Variants in CAPS2 observed in about 807,000 individuals in gnomAD.
The protein encoded by CAPS2 is calcyphosine 2.
Under a neutral mutation model 86.5 loss-of-function variants are expected in CAPS2, and 98 were observed. That is an observed-to-expected ratio of 1.13 (90% CI 0.96 to 1.34). The LOEUF (loss-of-function observed/expected upper bound fraction) is 1.34, where lower values mean the gene tolerates loss of function less well. Among genes scored for constraint, CAPS2 ranks in the 40% most tolerant of loss-of-function variants. The pLI, the probability that CAPS2 is intolerant of heterozygous loss-of-function variation, is 0.00. For missense variants in CAPS2, 729 were observed against 686.8 expected, an observed-to-expected ratio of 1.06 and a Z score of -0.69; for synonymous variants, 210 against 225.1, an observed-to-expected ratio of 0.93 and a Z score of 0.60.
At chr12:75,375,334 T>C (rs181708766) in intron 1 of CAPS2, among the ~76,000 whole-genome samples, 19 of 152,240 alleles carry the variant, frequency 1.2e-4, no homozygotes, top group African/African-American at 4.3e-4. Flanking sequence ...AGGACCACAA[T>C]GATGTTTTGG....
In CAPS2 at chr12:75,322,008, TTCTA is replaced by T. The variant is rs370971610; in HGVS notation, c.292-436_292-433del. 5.3e-5 allele frequency among the ~76,000 whole-genome samples: 8 copies of T among 152,292 alleles called. No individual in the cohort carries two copies. The East Asian group carries it at 7.7e-4, about 15-fold the overall frequency. ...TTGTCATTTCTAGAATATCAATATATTCTATCTATTTGCAAACATGGAAATATTT... is the reference window on the plus strand; with the variant it reads ...TTGTCATTTCTAGAATATCAATATATTCTATTTGCAAACATGGAAATATTT... On this transcript the variant is annotated intron_variant, in intron 4 of 16. Transcript: ENST00000393284.
chr12:75,345,438 G>A (rs1485125009), intron 1 of CAPS2, among the ~76,000 whole-genome samples: 1 of 151,926 alleles, frequency 6.6e-6, no homozygotes, highest in East Asian at 1.9e-4. Context: ...TGAGCCCCTA[G>A]GAAAGCCTGT....
At position 75,280,816 on chromosome 12, in the gene CAPS2, T is replaced by A. The variant is rs191751011; in HGVS notation, c.1612+1435A>T. Among the ~76,000 whole-genome samples the A allele has an allele frequency of 1.2e-4, 18 of 152,020 alleles. No homozygotes were observed. In the East Asian group the frequency reaches 3.5e-3, roughly 29 times the overall value. ...TTTTAATCTTCATAACCAAATCTCATGATTTCATTTCATACTTAAAAGTAA... is the reference window on the plus strand; with the variant it reads ...TTTTAATCTTCATAACCAAATCTCAAGATTTCATTTCATACTTAAAAGTAA... On this transcript the variant is annotated intron_variant, in intron 16 of 16. Transcript: ENST00000393284.
chr12:75,345,528 C>A (rs1315024706), intron 1 of CAPS2, among the ~76,000 whole-genome samples: 1 of 152,092 alleles, frequency 6.6e-6, no homozygotes, highest in Non-Finnish European at 1.5e-5. Context: ...GGTCTTAAAG[C>A]AACTTGTTCT....
At chr12:75,305,566 C>A (rs1312143426) in intron 7 of CAPS2, 1 of 631,280 alleles carries the variant, frequency 1.6e-6, no homozygotes, top group Non-Finnish European at 3.0e-6. Flanking sequence ...CCTGGCAGAG[C>A]CGCAGAGCCC....
chr12:75,350,596 C>G (rs1175932277), intron 1 of CAPS2, among the ~76,000 whole-genome samples: 2 of 152,156 alleles, frequency 1.3e-5, no homozygotes, highest in Non-Finnish European at 1.5e-5. Context: ...CAGGAAACCA[C>G]AGCAGCCCTA....
intron 1 of CAPS2, among the ~76,000 whole-genome samples, chr12:75,345,946 T>C (rs2042415905): frequency 6.6e-6 from 1 of 152,206 alleles, no homozygotes. Flanking sequence ...TTAGGAATGG[T>C]TATATTCTTA....
rs564555926 is a variant in CAPS2 at position 75,287,088 on chromosome 12, A to G, written c.1396-2008T>C. ...CGCAAGCACACACACACAAACACAC[A>G]CATATATATACATATATATATATTA... On this transcript the variant is annotated intron_variant, in intron 14 of 16. Transcript: ENST00000393284. 2.0e-5 allele frequency among the ~76,000 whole-genome samples: 3 copies of G among 150,374 alleles called. No homozygotes were observed. The East Asian group carries it at 5.8e-4, about 29-fold the overall frequency.
At chr12:75,324,873 G>A (rs1337928088) in intron 2 of CAPS2, among the ~76,000 whole-genome samples, 1 of 151,766 alleles carries the variant, frequency 6.6e-6, no homozygotes, top group Middle Eastern at 3.2e-3. Context: ...TTAAAGCACA[G>A]ACATAATTAT....
exon 8 of CAPS2, chr12:75,304,772 G>A (rs773056827): frequency 3.8e-6 from 6 of 1,594,946 alleles, no homozygotes; most frequent in Non-Finnish European, 5.1e-6. Flanking sequence ...TTCATGTAGT[G>A]TTCTTTTTCT....
At chr12:75,347,764 G>A (rs1428379174) in intron 1 of CAPS2, 3 of 1,301,760 alleles carry the variant, frequency 2.3e-6, no homozygotes, top group Admixed American at 3.6e-5. Flanking sequence ...TGAAATTAAT[G>A]TTGATGATGG....
intron 1 of CAPS2, among the ~76,000 whole-genome samples, chr12:75,362,882 T>C (rs538639721): frequency 2.0e-5 from 3 of 152,164 alleles, no homozygotes; most frequent in South Asian, 4.1e-4. Flanking sequence ...TATTCTTCTA[T>C]AGAATATTCA....
At chr12:75,373,977 GA>G (rs2044514348) in intron 1 of CAPS2, 1 of 152,166 alleles carries the variant, frequency 6.6e-6, no homozygotes, top group South Asian at 2.1e-4. Flanking sequence ...ATGCTAACTT[GA>G]TGACCCACAG....
chr12:75,297,782 C>G (rs898447493), intron 11 of CAPS2, among the ~76,000 whole-genome samples: 2 of 152,208 alleles, frequency 1.3e-5, no homozygotes, highest in African/African-American at 2.4e-5. Flanking sequence ...GTCATGTGCT[C>G]TCTTCCTTTT....
chr12:75,369,762 T>C (rs1196738568), intron 1 of CAPS2: 2 of 984,870 alleles, frequency 2.0e-6, no homozygotes, highest in African/African-American at 1.7e-5. Flanking sequence ...AAATATTTGT[T>C]GACATAACAC....
chr12:75,278,316 T>A (rs1158019712), exon 17 of CAPS2: 1 of 984,080 alleles, frequency 1.0e-6, no homozygotes, highest in Non-Finnish European at 1.2e-6. Flanking sequence ...CCTCCATCAT[T>A]TGAAATATTC....
intron 12 of CAPS2, among the ~76,000 whole-genome samples, chr12:75,292,776 A>G (rs2036217526): frequency 6.7e-6 from 1 of 149,488 alleles, no homozygotes; most frequent in Non-Finnish European, 1.5e-5. Context: ...TATTAAAAAA[A>G]TTCATTTTAA....
chr12:75,291,480 CATATATATATATAT>C (rs556770226), intron 13 of CAPS2, among the ~76,000 whole-genome samples: 617 of 18,632 alleles, frequency 0.033, 21 homozygotes, highest in African/African-American at 0.095. Context: ...ACAATAAAAG[CATATATATATATAT>C]ATATATATAT....
chr12:75,345,502 T>G (rs2042389257), intron 1 of CAPS2, among the ~76,000 whole-genome samples: 1 of 152,080 alleles, frequency 6.6e-6, no homozygotes. Flanking sequence ...TTTGTATAAG[T>G]TGAATTAATA....
Sources: allele counts gnomAD v4.1 joint callset (sites outside exome capture counted in the v4.1 genomes callset), GRCh38; gene constraint gnomAD v4.1.1; transcripts MANE v1.5; gene names NCBI Gene and HGNC (gene_info 2026-07-23, HGNC 2026-07-21).